WDR93: variants seen among roughly 807,000 people sequenced by gnomAD.
The protein encoded by WDR93 is WD repeat-containing protein 93.
WDR93 carries 73 observed loss-of-function variants against 82.9 expected under a neutral mutation model. That is an observed-to-expected ratio of 0.88 (90% CI 0.73 to 1.07). The LOEUF (loss-of-function observed/expected upper bound fraction) is 1.07. Ranked by LOEUF, WDR93 falls within the 50% of genes least tolerant of loss-of-function variation. The probability of loss-of-function intolerance (pLI) is 0.00; values close to 1 mark genes in which losing one functional copy is unlikely to be tolerated. For missense variants in WDR93, 738 were observed against 826.0 expected (o/e 0.89, Z 1.31); for synonymous variants, 283 against 300.1 (o/e 0.94, Z 0.59).
At chr15:89,727,039 A>T in intron 8 of WDR93, 118 bp from the exon 9 acceptor site, 2 of 1,176,236 alleles carry the variant, frequency 1.7e-6, no homozygotes, top group Non-Finnish European at 2.4e-6. Flanking sequence ...GCAGAGCAAG[A>T]ATCGATTTCT....
At chr15:89,724,338 C>A (rs1026443643) in intron 8 of WDR93, among the ~76,000 whole-genome samples, 2 of 151,838 alleles carry the variant, frequency 1.3e-5, no homozygotes, top group Admixed American at 1.3e-4. Flanking sequence ...CGAGCGAGAA[C>A]CTGTCTCAAA....
chr15:89,738,448 G>A (rs1967388482), intron 16 of WDR93, among the ~76,000 whole-genome samples: 1 of 152,098 alleles, frequency 6.6e-6, no homozygotes. Context: ...TCAACATGGT[G>A]AAACCCCGTC....
chr15:89,703,193 T>C lies in WDR93; in HGVS notation c.496+51T>C, dbSNP rs1965557270. On this transcript the variant is annotated intron_variant, in intron 3 of 16. Transcript: ENST00000268130. The stretch of plus-strand genomic sequence containing the variant: ...GCCTCATTTACAGGTACCTGTAGAC[T>C]GTTGTCAATTTAATCTCCTTTTGAG... 1.9e-6 allele frequency: 3 copies of C among 1,582,266 alleles called. No homozygotes were observed. The African/African-American group carries it at 4.0e-5, about 21-fold the overall frequency.
chr15:89,731,377 C>G, intron 11 of WDR93, 66 bp from the exon 12 acceptor site: 1 of 1,594,354 alleles, frequency 6.3e-7, no homozygotes, highest in Non-Finnish European at 8.6e-7. Context: ...CACAGGTTGT[C>G]CAGGTAGAAG....
chr15:89,696,449 G>A (rs1368342228), intron 1 of WDR93, among the ~76,000 whole-genome samples: 1 of 151,330 alleles, frequency 6.6e-6, no homozygotes, highest in Non-Finnish European at 1.5e-5. Flanking sequence ...ATAAACATTT[G>A]TGTAGAGGTT....
At chr15:89,724,054 T>A (rs911950103) in intron 8 of WDR93, among the ~76,000 whole-genome samples, 3 of 151,718 alleles carry the variant, frequency 2.0e-5, no homozygotes, top group African/African-American at 7.3e-5. Flanking sequence ...CAAAAAAAAA[T>A]AGCTGGGCGT....
chr15:89,707,836 T>C (rs1233494247), intron 4 of WDR93, among the ~76,000 whole-genome samples: 1 of 152,184 alleles, frequency 6.6e-6, no homozygotes, highest in Non-Finnish European at 1.5e-5. Flanking sequence ...CCAAGGCTTG[T>C]ACGTGAATGT....
chr15:89,733,241 C>T lies in WDR93; in HGVS notation c.1544+22C>T, dbSNP rs377626486. 166 of 1,602,730 alleles carry T rather than the reference C, an allele frequency of 1.0e-4. 1 individual carries two copies. The highest frequency in any genetic ancestry group is 9.1e-4 in the South Asian group (82 of 90,222). ...AGAGGTCAGTAGCTTGAGGGTGGGA[C>T]GGGGTAAATAATTGGCCAGATTATT... On this transcript the variant is annotated intron_variant, in intron 13 of 16. Transcript: ENST00000268130.
chr15:89,725,638 G>A (rs1010331687), intron 8 of WDR93, among the ~76,000 whole-genome samples: 1 of 147,256 alleles, frequency 6.8e-6, no homozygotes, highest in African/African-American at 2.5e-5. Flanking sequence ...GCACAATCTC[G>A]ACTCACTGTG....
intron 11 of WDR93, 56 bp from the exon 12 acceptor site, chr15:89,731,387 G>A (rs1966856667): frequency 1.9e-6 from 3 of 1,602,250 alleles, no homozygotes; most frequent in African/African-American, 2.7e-5. Flanking sequence ...CCAGGTAGAA[G>A]TGATGGGTAG....
In WDR93 at chr15:89,711,340, G is replaced by C. The variant is rs148851754; in HGVS notation, c.562-686G>C. ...ATGGCAAACAGAAAAACAAATGAGG[G>C]AGCTAATATAAATTAAGAGACTTAG... On this transcript the variant is annotated intron_variant, in intron 4 of 16. Transcript: ENST00000268130. Among the ~76,000 whole-genome samples, 22 of 152,036 alleles carry C rather than the reference G, an allele frequency of 1.4e-4. No individual in the cohort carries two copies. The East Asian group carries it at 3.9e-3, about 27-fold the overall frequency.
intron 4 of WDR93, among the ~76,000 whole-genome samples, chr15:89,709,183 G>A (rs1354753167): frequency 6.6e-6 from 1 of 152,188 alleles, no homozygotes; most frequent in African/African-American, 2.4e-5. Flanking sequence ...AAATCAAGAT[G>A]AGACACAAGG....
At chr15:89,731,887 G>T (rs1484342533) in intron 12 of WDR93, among the ~76,000 whole-genome samples, 1 of 152,130 alleles carries the variant, frequency 6.6e-6, no homozygotes, top group Non-Finnish European at 1.5e-5. Context: ...AAGTGATCAT[G>T]GTGGCCTCAG....
chr15:89,725,920 T>C (rs1171127805), intron 8 of WDR93, among the ~76,000 whole-genome samples: 1 of 152,182 alleles, frequency 6.6e-6, no homozygotes, highest in African/African-American at 2.4e-5. Flanking sequence ...TAATAACTCA[T>C]TAAGGTATAT....
At chr15:89,742,070 A>G (rs1345506533) in intron 16 of WDR93, among the ~76,000 whole-genome samples, 2 of 152,104 alleles carry the variant, frequency 1.3e-5, no homozygotes, top group Non-Finnish European at 2.9e-5. Flanking sequence ...TTTTTAAGAT[A>G]GCATTCACCA....
At position 89,729,761 on chromosome 15, in the gene WDR93, A is replaced by T; in HGVS notation, c.1202A>T (p.Asp401Val). Residue 401 changes from aspartate to valine, a missense_variant, in exon 11 of 17, where the codon GAT becomes GTT. Asp to Val is a radical substitution (Grantham distance 152, BLOSUM62 -3). Transcript: ENST00000268130. ...FLYSLNRTLK[D>V]KADPEGVWPC... ...TATTCACTAAACCGAACTCTAAAGG[A>T]TAAAGCTGGTACTTTACTGCTGAGA... is the stretch of plus-strand genomic sequence containing the variant. 1 of 1,613,540 alleles carries T rather than the reference A, an allele frequency of 6.2e-7. No homozygotes were observed. Among genetic ancestry groups the T allele is most frequent in the South Asian group, 1.1e-5 (1 of 91,016 alleles).
chr15:89,724,751 C>T (rs1966665821), intron 8 of WDR93, among the ~76,000 whole-genome samples: 1 of 152,182 alleles, frequency 6.6e-6, no homozygotes, highest in Non-Finnish European at 1.5e-5. Context: ...AAATTAAAAT[C>T]ACAGTGAAGT....
intron 15 of WDR93, 86 bp downstream of exon 15, chr15:89,737,815 T>A (rs1290188016): frequency 6.4e-7 from 1 of 1,558,140 alleles, no homozygotes; most frequent in Non-Finnish European, 8.7e-7. Context: ...TCCGATCTCC[T>A]CCCCACTCTG....
intron 8 of WDR93, among the ~76,000 whole-genome samples, chr15:89,722,740 G>A (rs1368874660): frequency 6.6e-6 from 1 of 152,228 alleles, no homozygotes; most frequent in Non-Finnish European, 1.5e-5. Context: ...GGAGCAGAGA[G>A]GCTAGCTATT....
Sources: allele counts gnomAD v4.1 joint callset (sites outside exome capture counted in the v4.1 genomes callset), GRCh38; gene constraint gnomAD v4.1.1; transcripts MANE v1.5; gene names NCBI Gene and HGNC (gene_info 2026-07-23, HGNC 2026-07-21).